ERG: variants seen among roughly 807,000 people sequenced by gnomAD.
ERG encodes the protein transcriptional regulator ERG.
ERG carries 9 observed loss-of-function variants against 55.3 expected under a neutral mutation model. The observed-to-expected ratio is 0.16, with a 90% CI of 0.10 to 0.28. The LOEUF is 0.28. Among genes scored for constraint, ERG ranks in the 10% least tolerant of loss-of-function variants. ERG has a pLI of 1.00. For missense variants in ERG, 434 were observed against 631.6 expected (o/e 0.69, Z 3.35); for synonymous variants, 223 against 237.3 (o/e 0.94, Z 0.55).
intron 1 of ERG, among the ~76,000 whole-genome samples, chr21:38,605,143 C>T (rs909480301): frequency 7.9e-5 from 12 of 152,146 alleles, no homozygotes; most frequent in African/African-American, 2.9e-4. Context: ...CCACTTCTGT[C>T]CACTTTTTAA....
upstream of ERG, among the ~76,000 whole-genome samples, chr21:38,589,558 T>A (rs144471156): frequency 2.2e-3 from 342 of 152,312 alleles, 1 homozygote; most frequent in African/African-American, 7.8e-3. Flanking sequence ...CATGATATAA[T>A]TCTGGTCAGT....
rs368808654 is a variant in ERG, at chr21:38,423,374, G to A, written c.388+36C>T. 158 of 1,588,082 alleles carry A rather than the reference G, an allele frequency of 9.9e-5. No homozygotes were observed. In the African/African-American group the frequency reaches 1.9e-3, roughly 19 times the overall value. On this transcript the variant is annotated intron_variant, in intron 3 of 9. Transcript: ENST00000288319. ...CTCAGCCTAGCCTTGGGGAAGTTGCGATCTGCCGAGGGCAGTGAAGCTGTG... is the reference window on the plus strand; with the variant it reads ...CTCAGCCTAGCCTTGGGGAAGTTGCAATCTGCCGAGGGCAGTGAAGCTGTG...
intron 2 of ERG, among the ~76,000 whole-genome samples, chr21:38,534,246 A>G (rs1783686978): frequency 6.6e-6 from 1 of 152,138 alleles, no homozygotes; most frequent in Non-Finnish European, 1.5e-5. Flanking sequence ...CCAGTAAGTC[A>G]TTACTGACAA....
At chr21:38,491,752 G>C (rs1246404619) in intron 1 of ERG, among the ~76,000 whole-genome samples, 1 of 152,140 alleles carries the variant, frequency 6.6e-6, no homozygotes, top group African/African-American at 2.4e-5. Context: ...GTTCATTATT[G>C]ACGCCCAAGA....
chr21:38,464,746 T>A (rs1235929505), intron 1 of ERG, among the ~76,000 whole-genome samples: 1 of 151,818 alleles, frequency 6.6e-6, no homozygotes, highest in Non-Finnish European at 1.5e-5. Context: ...CCCTGGTGTG[T>A]GATGTTCCCC....
intron 3 of ERG, among the ~76,000 whole-genome samples, chr21:38,414,905 T>C (rs1214750819): frequency 6.6e-6 from 1 of 152,232 alleles, no homozygotes; most frequent in African/African-American, 2.4e-5. Context: ...TCTTTGACTT[T>C]CAAGAAAAAC....
upstream of ERG, among the ~76,000 whole-genome samples, chr21:38,585,532 C>CTTTTTTTTTTTTATTTTTTTT (rs2060057847): frequency 1.7e-5 from 1 of 59,270 alleles, no homozygotes; most frequent in Non-Finnish European, 3.1e-5. Flanking sequence ...TCTCTCTCTT[C>CTTTTTTTTTTTTATTTTTTTT]TTTTTTTTTT....
At chr21:38,492,597 TAAAAACAGC>T (rs2059346023) in intron 1 of ERG, among the ~76,000 whole-genome samples, 1 of 152,142 alleles carries the variant, frequency 6.6e-6, no homozygotes, top group South Asian at 2.1e-4. Context: ...AAGATATCAC[TAAAAACAGC>T]TTCTGCGATA....
chr21:38,523,658 C>T (rs375770765), intron 2 of ERG, among the ~76,000 whole-genome samples: 2 of 152,166 alleles, frequency 1.3e-5, no homozygotes, highest in African/African-American at 4.8e-5. Context: ...GTTACCCACA[C>T]GGAATTCTCA....
At chr21:38,439,082 G>A (rs1373182045) in intron 2 of ERG, among the ~76,000 whole-genome samples, 2 of 152,188 alleles carry the variant, frequency 1.3e-5, no homozygotes, top group South Asian at 2.1e-4. Context: ...CTGGGCTGAG[G>A]GGGGACTCAC....
At chr21:38,432,340 C>T (rs966548100) in intron 2 of ERG, among the ~76,000 whole-genome samples, 2 of 152,136 alleles carry the variant, frequency 1.3e-5, no homozygotes, top group Non-Finnish European at 2.9e-5. Flanking sequence ...GCAATCCTCC[C>T]ACCTCAGCCT....
chr21:38,567,201 G>A (rs1034295973), intron 2 of ERG, among the ~76,000 whole-genome samples: 5 of 152,192 alleles, frequency 3.3e-5, no homozygotes, highest in East Asian at 3.9e-4. Flanking sequence ...GCCCTGGAGG[G>A]TGCCCAGCAT....
chr21:38,580,448 C>T (rs889943099), intron 1 of ERG, among the ~76,000 whole-genome samples: 1 of 152,160 alleles, frequency 6.6e-6, no homozygotes, highest in African/African-American at 2.4e-5. Flanking sequence ...AGTTTCATGT[C>T]ACTGTAGGAA....
intron 1 of ERG, among the ~76,000 whole-genome samples, chr21:38,590,103 T>C (rs934430849): frequency 6.6e-6 from 1 of 152,202 alleles, no homozygotes. Flanking sequence ...TAAATAACTA[T>C]TACCATGATA....
chr21:38,637,646 CA>C (rs1246726974), intron 1 of ERG, among the ~76,000 whole-genome samples: 1 of 152,168 alleles, frequency 6.6e-6, no homozygotes, highest in Admixed American at 6.5e-5. Flanking sequence ...TTTTAATCAT[CA>C]ATACTGTTAA....
chr21:38,560,645 C>T (rs2059887311), intron 2 of ERG, among the ~76,000 whole-genome samples: 1 of 152,192 alleles, frequency 6.6e-6, no homozygotes, highest in Admixed American at 6.5e-5. Flanking sequence ...TCCCAGGGAA[C>T]CTAACTAACA....
chr21:38,651,030 A>G (rs879707470), intron 1 of ERG, among the ~76,000 whole-genome samples: 2 of 152,280 alleles, frequency 1.3e-5, no homozygotes, highest in Non-Finnish European at 2.9e-5. Flanking sequence ...AATAGAGGAT[A>G]TTCAAATAGC....
chr21:38,369,996 A>G, the ERG span, among the ~76,000 whole-genome samples: 1 of 152,124 alleles, frequency 6.6e-6, no homozygotes, highest in East Asian at 1.9e-4. Flanking sequence ...TTTTTGTACC[A>G]GTACCATGCT....
intron 1 of ERG, among the ~76,000 whole-genome samples, chr21:38,477,643 G>A (rs2059201098): frequency 6.6e-6 from 1 of 152,128 alleles, no homozygotes; most frequent in Non-Finnish European, 1.5e-5. Flanking sequence ...GCTTTCTTTA[G>A]CATCAGTTCA....
Sources: gnomAD v4.1 joint callset for allele counts (sites outside exome capture counted in the v4.1 genomes callset) on GRCh38, gnomAD v4.1.1 for gene constraint, MANE v1.5 for transcripts, NCBI Gene and HGNC (gene_info 2026-07-23, HGNC 2026-07-21) for gene names.